Variants in SSH2 observed in about 807,000 individuals in gnomAD.
The protein encoded by SSH2 is protein phosphatase Slingshot homolog 2.
In SSH2, 37 loss-of-function variants were observed where a neutral mutation model predicts 135.2. The ratio of observed to expected loss-of-function variants is 0.27; its 90% CI spans 0.21 to 0.36. SSH2 has a LOEUF of 0.36. Ranked by LOEUF, SSH2 falls within the 10% of genes least tolerant of loss-of-function variation. The pLI is 1.00. For missense variants in SSH2, 1,408 were observed against 1,765.3 expected (o/e 0.80, Z 3.63); for synonymous variants, 628 against 646.2 (o/e 0.97, Z 0.43).
chr17:29,719,705 C>A (rs908571120), intron 3 of SSH2, among the ~76,000 whole-genome samples: 5 of 152,168 alleles, frequency 3.3e-5, no homozygotes, highest in African/African-American at 1.2e-4. Context: ...CTTAAACTTA[C>A]CAATTACACA....
chr17:29,652,752 C>T (rs189405789), intron 12 of SSH2, among the ~76,000 whole-genome samples: 195 of 152,100 alleles, frequency 1.3e-3, no homozygotes, highest in African/African-American at 4.5e-3. Context: ...TCCGCCTCCC[C>T]GTTCAAGCAA....
rs148925472 is a variant in SSH2 at position 29,874,911 on chromosome 17, C to T, written c.64-25982G>A. 7.4e-3 allele frequency among the ~76,000 whole-genome samples: 1,130 copies of T among 152,224 alleles called. 11 individuals are homozygous for T. Among genetic ancestry groups the T allele is most frequent in the African/African-American group, 0.022 (928 of 41,520 alleles). ...AAAGATTGGGCTGGTCCTGAGCTCTCTTTTCTCTCTCTATAACTTTCCCCC... is the reference window on the plus strand; with the variant it reads ...AAAGATTGGGCTGGTCCTGAGCTCTTTTTTCTCTCTCTATAACTTTCCCCC... On this transcript the variant is annotated intron_variant, in intron 1 of 15. Coordinates refer to ENST00000540801, the MANE Select transcript of SSH2 (RefSeq NM_001282129.2).
intron 2 of SSH2, among the ~76,000 whole-genome samples, chr17:29,801,610 T>C (rs2042251883): frequency 6.6e-6 from 1 of 152,218 alleles, no homozygotes; most frequent in South Asian, 2.1e-4. Context: ...ACGGTTGCTG[T>C]GCATCATTTT....
chr17:29,892,846 C>T (rs919716756), intron 1 of SSH2, among the ~76,000 whole-genome samples: 1 of 151,876 alleles, frequency 6.6e-6, no homozygotes, highest in African/African-American at 2.4e-5. Context: ...ACCCTCTTCC[C>T]GTACCCTTTT....
At chr17:29,876,311 C>A (rs1190634265) in intron 1 of SSH2, among the ~76,000 whole-genome samples, 4 of 151,748 alleles carry the variant, frequency 2.6e-5, no homozygotes, top group Admixed American at 2.6e-4. Context: ...ACCAATGGAA[C>A]AGAATAGAGA....
intron 6 of SSH2, among the ~76,000 whole-genome samples, chr17:29,681,009 C>T (rs764784727): frequency 1.3e-5 from 2 of 152,086 alleles, no homozygotes; most frequent in African/African-American, 2.4e-5. Flanking sequence ...ATCGACATTA[C>T]ATTTTTGGCT....
At chr17:29,906,611 C>G (rs1412048037) in intron 1 of SSH2, among the ~76,000 whole-genome samples, 1 of 152,080 alleles carries the variant, frequency 6.6e-6, no homozygotes, top group African/African-American at 2.4e-5. Flanking sequence ...TGCAATCTAT[C>G]CATCTGATAA....
intron 11 of SSH2, among the ~76,000 whole-genome samples, chr17:29,663,906 T>A (rs2037158462): frequency 6.6e-6 from 1 of 152,132 alleles, no homozygotes; most frequent in South Asian, 2.1e-4. Flanking sequence ...TCCACTCTGG[T>A]GGAGGATGTT....
At chr17:29,716,776 C>T (rs1454804760) in intron 3 of SSH2, 1 of 431,206 alleles carries the variant, frequency 2.3e-6, no homozygotes, top group Non-Finnish European at 4.4e-6. Context: ...TCCCCATTTT[C>T]TTCCCTTGCC....
intron 1 of SSH2, among the ~76,000 whole-genome samples, chr17:29,885,348 T>TAAAA (rs72403205): frequency 7.1e-5 from 9 of 127,106 alleles, no homozygotes; most frequent in Non-Finnish European, 9.8e-5. Flanking sequence ...TATTGTATCA[T>TAAAA]AAAAAAAAAA....
intron 2 of SSH2, among the ~76,000 whole-genome samples, chr17:29,795,164 A>G (rs1232606811): frequency 6.6e-6 from 1 of 152,186 alleles, no homozygotes; most frequent in Non-Finnish European, 1.5e-5. Flanking sequence ...TGTAACTTTC[A>G]TTCCCATGTA....
At chr17:29,808,295 A>T (rs1479349565) in intron 2 of SSH2, among the ~76,000 whole-genome samples, 1 of 152,064 alleles carries the variant, frequency 6.6e-6, no homozygotes, top group African/African-American at 2.4e-5. Flanking sequence ...CGCCTGGCTA[A>T]TTTTTGTACT....
At chr17:29,849,505 G>C (rs1022787679) in intron 1 of SSH2, among the ~76,000 whole-genome samples, 2 of 150,862 alleles carry the variant, frequency 1.3e-5, no homozygotes, top group Non-Finnish European at 3.0e-5. Context: ...AAAAAAGATG[G>C]TGCTGCTAAT....
intron 1 of SSH2, among the ~76,000 whole-genome samples, chr17:29,902,333 T>G (rs2066572822): frequency 6.6e-6 from 1 of 152,166 alleles, no homozygotes. Flanking sequence ...AGCAACCCCA[T>G]GAATGTTCAC....
intron 3 of SSH2, among the ~76,000 whole-genome samples, chr17:29,736,585 A>T (rs11080108): frequency 0.44 from 66,247 of 150,740 alleles, 14,794 homozygotes; most frequent in Non-Finnish European, 0.48. Flanking sequence ...CAGGAGATCG[A>T]GACCATCCTG....
intron 2 of SSH2, among the ~76,000 whole-genome samples, chr17:29,817,092 C>T (rs1567992715): frequency 6.6e-6 from 1 of 152,200 alleles, no homozygotes; most frequent in Non-Finnish European, 1.5e-5. Flanking sequence ...CTGAGAAGCA[C>T]TCTGTCATCT....
At chr17:29,662,022 T>A (rs1367276100) in intron 11 of SSH2, among the ~76,000 whole-genome samples, 1 of 152,152 alleles carries the variant, frequency 6.6e-6, no homozygotes, top group Non-Finnish European at 1.5e-5. Context: ...GCAGACCCAA[T>A]TTCCCCCCCG....
chr17:29,902,319 A>T (rs2151461280), intron 1 of SSH2, among the ~76,000 whole-genome samples: 1 of 152,334 alleles, frequency 6.6e-6, no homozygotes, highest in Admixed American at 6.5e-5. Context: ...AACTACTTTA[A>T]AATAGCAACC....
At chr17:29,730,470 C>G (rs1211740271) in intron 3 of SSH2, among the ~76,000 whole-genome samples, 6 of 147,832 alleles carry the variant, frequency 4.1e-5, no homozygotes, top group African/African-American at 1.5e-4. Context: ...AGGTCTTACT[C>G]TGTCACCCAG....
Sources: gnomAD v4.1 joint callset for allele counts (sites outside exome capture counted in the v4.1 genomes callset) on GRCh38, gnomAD v4.1.1 for gene constraint, MANE v1.5 for transcripts, NCBI Gene and HGNC (gene_info 2026-07-23, HGNC 2026-07-21) for gene names.